The following ANGPT1 variants were observed in gnomAD, a reference collection of about 807,000 sequenced individuals.
The protein encoded by ANGPT1 is angiopoietin-1.
A neutral mutation model predicts 62.2 loss-of-function variants in ANGPT1; 17 were observed. That is an observed-to-expected ratio of 0.27 (90% CI 0.19 to 0.41). The LOEUF (loss-of-function observed/expected upper bound fraction) is 0.41. Among genes scored for constraint, ANGPT1 ranks in the 10% least tolerant of loss-of-function variants. The pLI, the probability that ANGPT1 is intolerant of heterozygous loss-of-function variation, is 1.00. For synonymous variants in ANGPT1, 199 were observed against 198.9 expected, an observed-to-expected ratio of 1.00 and a Z score of 0.00; for missense variants, 478 against 594.9, an observed-to-expected ratio of 0.80 and a Z score of 2.04.
intron 1 of ANGPT1, among the ~76,000 whole-genome samples, chr8:107,382,537 G>GA (rs5893855): frequency 0.48 from 71,956 of 150,516 alleles, 18,924 homozygotes; most frequent in Middle Eastern, 0.59. Flanking sequence ...CTTTGAAAAA[G>GA]AAAAAAAAAG....
intron 1 of ANGPT1, among the ~76,000 whole-genome samples, chr8:107,467,333 T>A (rs1563635782): frequency 6.6e-6 from 1 of 151,162 alleles, no homozygotes; most frequent in Non-Finnish European, 1.5e-5. Context: ...TATATATATA[T>A]AAACTGTTGG....
At chr8:107,411,931 T>C (rs1465116754) in intron 1 of ANGPT1, among the ~76,000 whole-genome samples, 1 of 152,200 alleles carries the variant, frequency 6.6e-6, no homozygotes, top group East Asian at 1.9e-4. Flanking sequence ...AAGAGCTACA[T>C]GCTTTCTCCT....
At chr8:107,295,169 T>C (rs1458006397) in intron 5 of ANGPT1, 1 of 152,168 alleles carries the variant, frequency 6.6e-6, no homozygotes. Flanking sequence ...AAGATATACA[T>C]GCCTACTTGT....
At chr8:107,332,046 G>C (rs534608764) in intron 3 of ANGPT1, among the ~76,000 whole-genome samples, 1 of 152,118 alleles carries the variant, frequency 6.6e-6, no homozygotes, top group African/African-American at 2.4e-5. Flanking sequence ...CAAACCTTTC[G>C]ACTAACAGAC....
intron 3 of ANGPT1, among the ~76,000 whole-genome samples, chr8:107,331,031 C>T (rs1442191332): frequency 6.6e-6 from 1 of 152,006 alleles, no homozygotes; most frequent in Admixed American, 6.6e-5. Flanking sequence ...TTGTTATAAA[C>T]AACTAATATA....
chr8:107,298,439 T>C (rs2130201047), intron 5 of ANGPT1, among the ~76,000 whole-genome samples: 1 of 152,022 alleles, frequency 6.6e-6, no homozygotes, highest in African/African-American at 2.4e-5. Context: ...AGGGAAAGTC[T>C]TGTTTCCTAC....
At chr8:107,262,073 T>C (rs1813505181) in intron 8 of ANGPT1, among the ~76,000 whole-genome samples, 1 of 152,012 alleles carries the variant, frequency 6.6e-6, no homozygotes, top group Admixed American at 6.5e-5. Context: ...CACGCACCTG[T>C]AGTCCCAGCT....
intron 1 of ANGPT1, among the ~76,000 whole-genome samples, chr8:107,439,123 C>T (rs1811407259): frequency 6.6e-6 from 1 of 152,050 alleles, no homozygotes; most frequent in African/African-American, 2.4e-5. Context: ...ATATTAGTCA[C>T]TCAGACTTAT....
chr8:107,314,542 A>G (rs1204564065), intron 4 of ANGPT1, among the ~76,000 whole-genome samples: 5 of 152,198 alleles, frequency 3.3e-5, no homozygotes, highest in African/African-American at 1.2e-4. Context: ...GGAGAAATAT[A>G]CCATTTCCAA....
At chr8:107,397,749 C>T (rs1379800503) in intron 1 of ANGPT1, among the ~76,000 whole-genome samples, 1 of 152,020 alleles carries the variant, frequency 6.6e-6, no homozygotes, top group African/African-American at 2.4e-5. Flanking sequence ...TTTCTTACCC[C>T]TTTTCAGTCC....
intron 1 of ANGPT1, among the ~76,000 whole-genome samples, chr8:107,446,267 A>G (rs1811616677): frequency 6.6e-6 from 1 of 152,216 alleles, no homozygotes; most frequent in African/African-American, 2.4e-5. Flanking sequence ...CCATTTCAGA[A>G]ATATAAAAGT....
rs1370559525 is a variant in ANGPT1 at position 107,262,408 on chromosome 8, T to G, written c.1336+1813A>C. Among the ~76,000 whole-genome samples, 3 of 152,340 alleles carry G rather than the reference T, an allele frequency of 2.0e-5. No individual in the cohort carries two copies. The East Asian group carries it at 5.8e-4, about 29-fold the overall frequency. On this transcript the variant is annotated intron_variant, in intron 8 of 8. Transcript: ENST00000517746. Reference sequence around the variant, plus strand: ...GGTACTACATTTTCTAATAAGTTTCTATGTGTCACAGTCAGCTGTGCTAGA... The same window carrying G: ...GGTACTACATTTTCTAATAAGTTTCGATGTGTCACAGTCAGCTGTGCTAGA...
At chr8:107,280,326 G>C (rs994628442) in intron 7 of ANGPT1, among the ~76,000 whole-genome samples, 4 of 151,724 alleles carry the variant, frequency 2.6e-5, no homozygotes, top group African/African-American at 9.7e-5. Context: ...TCAGCGTCCC[G>C]AGCAGCTGGG....
At chr8:107,315,718 G>T (rs929165374) in intron 4 of ANGPT1, among the ~76,000 whole-genome samples, 1 of 151,588 alleles carries the variant, frequency 6.6e-6, no homozygotes, top group Non-Finnish European at 1.5e-5. Flanking sequence ...TTCATACAAT[G>T]CACTCATAAC....
intron 1 of ANGPT1, among the ~76,000 whole-genome samples, chr8:107,450,362 A>T (rs1811736523): frequency 6.6e-6 from 1 of 152,018 alleles, no homozygotes; most frequent in Non-Finnish European, 1.5e-5. Flanking sequence ...ACTTGCTTTT[A>T]TATGGTTCAT....
intron 3 of ANGPT1, among the ~76,000 whole-genome samples, chr8:107,334,669 T>C (rs1047775088): frequency 6.6e-6 from 1 of 152,216 alleles, no homozygotes; most frequent in Admixed American, 6.5e-5. Context: ...ACAAATAGCA[T>C]CTTGAAATAT....
At chr8:107,271,424 T>G (rs1454408936) in intron 7 of ANGPT1, among the ~76,000 whole-genome samples, 1 of 152,066 alleles carries the variant, frequency 6.6e-6, no homozygotes, top group African/African-American at 2.4e-5. Context: ...TCAATAGGCA[T>G]GAATTACGGG....
At chr8:107,425,291 C>T (rs1453717208) in intron 1 of ANGPT1, among the ~76,000 whole-genome samples, 1 of 152,152 alleles carries the variant, frequency 6.6e-6, no homozygotes, top group African/African-American at 2.4e-5. Context: ...TGACCATACG[C>T]TACTATGGGA....
intron 1 of ANGPT1, among the ~76,000 whole-genome samples, chr8:107,476,275 G>A (rs1424487172): frequency 6.6e-6 from 1 of 152,154 alleles, no homozygotes; most frequent in Non-Finnish European, 1.5e-5. Flanking sequence ...ATGAGTTCAT[G>A]TCCTTTGTAA....
Sources: gnomAD v4.1 joint callset for allele counts (sites outside exome capture counted in the v4.1 genomes callset) on GRCh38, gnomAD v4.1.1 for gene constraint, MANE v1.5 for transcripts, NCBI Gene and HGNC (gene_info 2026-07-23, HGNC 2026-07-21) for gene names.